The following ATAD2B variants were observed in gnomAD, a reference collection of about 807,000 sequenced individuals.
The protein encoded by ATAD2B is ATPase family AAA domain containing 2B, also known as ATPase family AAA domain-containing protein 2B.
A neutral mutation model predicts 167.6 loss-of-function variants in ATAD2B; 40 were observed. The observed-to-expected ratio is 0.24, with a 90% CI of 0.19 to 0.31. The LOEUF is 0.31. Ranked by LOEUF, ATAD2B falls within the 10% of genes least tolerant of loss-of-function variation. The probability of loss-of-function intolerance (pLI) is 1.00; values close to 1 mark genes in which losing one functional copy is unlikely to be tolerated. For missense variants in ATAD2B, 1,242 were observed against 1,757.2 expected, an observed-to-expected ratio of 0.71 and a Z score of 5.24; for synonymous variants, 579 against 596.5, an observed-to-expected ratio of 0.97 and a Z score of 0.43.
the ATAD2B span, among the ~76,000 whole-genome samples, chr2:23,711,345 T>C: frequency 9.9e-4 from 4 of 4,056 alleles, no homozygotes; most frequent in Non-Finnish European, 1.6e-3. Context: ...TTTCTTTCTT[T>C]TTTTTTTTTT....
the ATAD2B span, among the ~76,000 whole-genome samples, chr2:23,723,494 A>C: frequency 8.1e-6 from 1 of 122,834 alleles, no homozygotes. Flanking sequence ...GAAGGGAGGA[A>C]AAGGAGGGAG....
At chr2:23,832,797 G>A (rs1689273688) in intron 14 of ATAD2B, among the ~76,000 whole-genome samples, 1 of 152,166 alleles carries the variant, frequency 6.6e-6, no homozygotes, top group Non-Finnish European at 1.5e-5. Flanking sequence ...CCTGTGCTGT[G>A]TCTCAGAACT....
intron 8 of ATAD2B, chr2:23,872,644 T>C (rs1696180171): frequency 7.4e-7 from 1 of 1,347,588 alleles, no homozygotes; most frequent in East Asian, 2.3e-5. Context: ...TCGGAGGTGG[T>C]GGAACATCAT....
chr2:23,893,194 A>G (rs1187977999), intron 2 of ATAD2B, among the ~76,000 whole-genome samples: 1 of 152,136 alleles, frequency 6.6e-6, no homozygotes, highest in Non-Finnish European at 1.5e-5. Flanking sequence ...CTAACTCTAA[A>G]ATGGAAATTT....
the ATAD2B span, among the ~76,000 whole-genome samples, chr2:23,723,712 T>G: frequency 2.0e-5 from 3 of 152,124 alleles, no homozygotes; most frequent in African/African-American, 7.2e-5. Flanking sequence ...ATGGAGGGTC[T>G]TCACAAAACT....
At position 23,748,889 on chromosome 2, in the gene ATAD2B, T is replaced by C. The variant is rs964980600; in HGVS notation, c.*3157A>G. 2.6e-5 allele frequency: 4 copies of C among 152,104 alleles called. No individual in the cohort carries two copies. Among genetic ancestry groups the C allele is most frequent in the Non-Finnish European group, 5.9e-5 (4 of 68,008 alleles). 9.4% of individuals were successfully genotyped at this position (152,104 alleles called of 1,614,324 possible). ...AAACTACAAAGTAGACATACATGAC[T>C]GAAACCAAATTGGACTCCCAAAGTC... is the stretch of plus-strand genomic sequence containing the variant. On this transcript the variant is annotated 3_prime_UTR_variant, in exon 28 of 28. Transcript: ENST00000238789.
the ATAD2B span, among the ~76,000 whole-genome samples, chr2:23,679,666 A>G: frequency 6.6e-6 from 1 of 152,236 alleles, no homozygotes; most frequent in Admixed American, 6.5e-5. Flanking sequence ...AAAAATATGA[A>G]TAAAACATAG....
intron 13 of ATAD2B, among the ~76,000 whole-genome samples, chr2:23,835,675 C>A (rs1689816308): frequency 6.6e-6 from 1 of 152,136 alleles, no homozygotes; most frequent in Admixed American, 6.5e-5. Context: ...GTGGCTCACA[C>A]CTGTAATTCC....
At chr2:23,868,058 C>A in intron 9 of ATAD2B, 112 bp from the exon 10 acceptor site, 1 of 700,880 alleles carries the variant, frequency 1.4e-6, no homozygotes, top group South Asian at 1.9e-5. Context: ...TTCTCATAAC[C>A]CAGAAAATAA....
At chr2:23,923,908 C>A (rs943919538) in intron 1 of ATAD2B, among the ~76,000 whole-genome samples, 3 of 152,144 alleles carry the variant, frequency 2.0e-5, no homozygotes, top group Admixed American at 1.3e-4. Context: ...ACAGGCTGGG[C>A]GCGGTGGCTC....
At chr2:23,905,396 T>C (rs1008666042) in intron 1 of ATAD2B, among the ~76,000 whole-genome samples, 2 of 152,164 alleles carry the variant, frequency 1.3e-5, no homozygotes, top group Non-Finnish European at 1.5e-5. Flanking sequence ...TAGTGGCACA[T>C]GCCTGTGGTC....
chr2:23,740,785 T>C, the ATAD2B span, among the ~76,000 whole-genome samples: 9 of 152,200 alleles, frequency 5.9e-5, no homozygotes, highest in South Asian at 2.1e-4. Context: ...GATGACATGA[T>C]TGTATATCTA....
At chr2:23,795,656 G>A (rs1316006830) in intron 19 of ATAD2B, among the ~76,000 whole-genome samples, 1 of 152,110 alleles carries the variant, frequency 6.6e-6, no homozygotes, top group Non-Finnish European at 1.5e-5. Context: ...CGAGGTGGGA[G>A]ATCACCTGAG....
the ATAD2B span, among the ~76,000 whole-genome samples, chr2:23,717,425 GA>G: frequency 2.6e-5 from 4 of 152,066 alleles, no homozygotes; most frequent in African/African-American, 9.6e-5. Flanking sequence ...CCAGATTAAG[GA>G]AAAATTACCA....
At chr2:23,875,788 A>T in intron 8 of ATAD2B, 41 bp downstream of exon 8, 1 of 1,349,970 alleles carries the variant, frequency 7.4e-7, no homozygotes, top group South Asian at 1.2e-5. Flanking sequence ...TTAGTCTCTC[A>T]TTGACAAATG....
intron 6 of ATAD2B, chr2:23,883,580 T>C (rs1558727428): frequency 5.5e-6 from 7 of 1,272,974 alleles, no homozygotes; most frequent in Middle Eastern, 2.2e-4. Context: ...AATCGCATTA[T>C]AAATCTGTCT....
intron 12 of ATAD2B, among the ~76,000 whole-genome samples, chr2:23,860,017 G>A (rs1483000887): frequency 1.3e-5 from 2 of 152,064 alleles, no homozygotes; most frequent in Non-Finnish European, 2.9e-5. Context: ...TAAAAAGTGT[G>A]TAGGTCTTGA....
At chr2:23,819,713 CTAAA>C (rs761688650) in intron 17 of ATAD2B, 30 bp downstream of exon 17, 12 of 1,513,210 alleles carry the variant, frequency 7.9e-6, no homozygotes, top group Non-Finnish European at 1.1e-5. Flanking sequence ...AAAAATCACT[CTAAA>C]TACAAAGAAA....
chr2:23,920,517 A>G (rs1402911747), intron 1 of ATAD2B, among the ~76,000 whole-genome samples: 1 of 152,166 alleles, frequency 6.6e-6, no homozygotes, highest in African/African-American at 2.4e-5. Context: ...CATTTAACAG[A>G]TATTTATTGA....
Sources: gnomAD v4.1 joint callset for allele counts (sites outside exome capture counted in the v4.1 genomes callset) on GRCh38, gnomAD v4.1.1 for gene constraint, MANE v1.5 for transcripts, NCBI Gene and HGNC (gene_info 2026-07-23, HGNC 2026-07-21) for gene names.